Variants in YJU2 observed in about 807,000 individuals in gnomAD.
The protein encoded by YJU2 is YJU2 splicing factor homolog.
Under a neutral mutation model 39.6 loss-of-function variants are expected in YJU2, and 28 were observed. The observed-to-expected ratio is 0.71, with a 90% confidence interval of 0.52 to 0.97. The LOEUF (loss-of-function observed/expected upper bound fraction) is 0.97, where lower values mean the gene tolerates loss of function less well. Among genes scored for constraint, YJU2 ranks in the 50% least tolerant of loss-of-function variants. The probability of loss-of-function intolerance (pLI) is 0.00; values close to 1 mark genes in which losing one functional copy is unlikely to be tolerated. For missense variants in YJU2, 328 were observed against 430.4 expected (o/e 0.76, Z 2.11); for synonymous variants, 184 against 182.4 (o/e 1.01, Z -0.07).
intron 3 of YJU2, 75 bp downstream of exon 3, chr19:4,251,246 T>C: frequency 7.1e-7 from 1 of 1,403,448 alleles, no homozygotes; most frequent in Non-Finnish European, 1.0e-6. Flanking sequence ...TGGGGTTCCT[T>C]AACTCCAATC....
intron 1 of YJU2, chr19:4,248,058 G>A (rs1358653756): frequency 1.3e-5 from 2 of 152,036 alleles, no homozygotes; most frequent in Non-Finnish European, 2.9e-5. Flanking sequence ...TAGTAGAGAT[G>A]AGATTTCACC....
At chr19:4,255,727 C>CA (rs58736061) in intron 4 of YJU2, among the ~76,000 whole-genome samples, 1,343 of 103,588 alleles carry the variant, frequency 0.013, 20 homozygotes, top group African/African-American at 0.029. Context: ...GATTCTGTGT[C>CA]AAAAAAAAAA....
chr19:4,247,152 G>C lies in YJU2; in HGVS notation c.6G>C (p.Ser2=). Residue 2 remains serine (S), a synonymous_variant, in exon 1 of 8, where the codon TCG becomes TCC. Coordinates refer to ENST00000262962, the MANE Select transcript of YJU2 (RefSeq NM_018074.6). ...GAGGTGATCAGAAGGCAAAGATGTC[G>C]GAGCGAAAAGTATTAAACGTAAGTG... is the stretch of plus-strand genomic sequence containing the variant. M[S]ERKVLNKYYP... 6.2e-7 allele frequency: 1 copy of C among 1,613,954 alleles called. No homozygotes were observed. Among genetic ancestry groups the C allele is most frequent in the Non-Finnish European group, 8.5e-7 (1 of 1,179,842 alleles).
At chr19:4,255,732 A>C (rs1971014608) in intron 4 of YJU2, among the ~76,000 whole-genome samples, 1 of 58,092 alleles carries the variant, frequency 1.7e-5, no homozygotes, top group Non-Finnish European at 3.0e-5. Flanking sequence ...TGTGTCAAAA[A>C]AAAAAAAAAA....
At chr19:4,249,357 C>CG in intron 2 of YJU2, 29 bp downstream of exon 2, 1 of 1,455,958 alleles carries the variant, frequency 6.9e-7, no homozygotes, top group South Asian at 1.2e-5. Context: ...ACCCCACACA[C>CG]CAGTCATGGC....
intron 4 of YJU2, among the ~76,000 whole-genome samples, chr19:4,255,564 C>T (rs1971012817): frequency 6.6e-6 from 1 of 151,690 alleles, no homozygotes; most frequent in Non-Finnish European, 1.5e-5. Context: ...CCCGTCTCTA[C>T]TAAAAATACA....
At chr19:4,266,834 A>T (rs548333756) in intron 6 of YJU2, among the ~76,000 whole-genome samples, 1 of 152,220 alleles carries the variant, frequency 6.6e-6, no homozygotes, top group South Asian at 2.1e-4. Flanking sequence ...TAAAAATGTT[A>T]GCCTGCCATG....
intron 6 of YJU2, among the ~76,000 whole-genome samples, chr19:4,263,981 G>T (rs1004579356): frequency 6.6e-6 from 1 of 151,332 alleles, no homozygotes; most frequent in Non-Finnish European, 1.5e-5. Context: ...GATTGTTCTC[G>T]GCCGGGCGCG....
intron 6 of YJU2, among the ~76,000 whole-genome samples, chr19:4,262,897 C>A (rs1326598377): frequency 6.6e-6 from 1 of 151,674 alleles, no homozygotes; most frequent in Non-Finnish European, 1.5e-5. Flanking sequence ...AAGAGTGAGA[C>A]CCTGTCTAAA....
chr19:4,263,357 A>AG (rs1390162169), intron 6 of YJU2, among the ~76,000 whole-genome samples: 1 of 152,118 alleles, frequency 6.6e-6, no homozygotes, highest in Non-Finnish European at 1.5e-5. Context: ...GTGGGAAGGC[A>AG]AAAAGTGTGT....
At chr19:4,264,087 C>A (rs1971095050) in intron 6 of YJU2, among the ~76,000 whole-genome samples, 1 of 151,258 alleles carries the variant, frequency 6.6e-6, no homozygotes, top group Non-Finnish European at 1.5e-5. Flanking sequence ...ACGGTGAAAC[C>A]CCATCTCTGC....
chr19:4,256,181 A>AATATATATAT (rs1555725229), intron 4 of YJU2, among the ~76,000 whole-genome samples: 2 of 125,898 alleles, frequency 1.6e-5, no homozygotes, highest in African/African-American at 3.1e-5. Context: ...AAAAAAAAAA[A>AATATATATAT]ATATATATAT....
In YJU2 at chr19:4,251,183, G is replaced by A. The variant is rs180793895; in HGVS notation, c.270+12G>A. On this transcript the variant is annotated intron_variant, in intron 3 of 7. Coordinates refer to ENST00000262962, the MANE Select transcript of YJU2 (RefSeq NM_018074.6). ...AGATCACCTTCAAGGTAGGTGAGAC[G>A]GCCGGCCAGGCCGGTCCCTCTCCCC... is the stretch of plus-strand genomic sequence containing the variant. 6.2e-6 allele frequency: 10 copies of A among 1,610,392 alleles called. No individual in the cohort carries two copies. The highest frequency in any genetic ancestry group is 3.3e-5 in the South Asian group (3 of 91,006).
At chr19:4,251,879 T>G (rs1970979770) in intron 3 of YJU2, among the ~76,000 whole-genome samples, 1 of 151,494 alleles carries the variant, frequency 6.6e-6, no homozygotes, top group African/African-American at 2.4e-5. Context: ...CTCAGGTACT[T>G]GGGAGACCAA....
chr19:4,260,600 G>C (rs1423251477), intron 5 of YJU2, among the ~76,000 whole-genome samples: 1 of 152,136 alleles, frequency 6.6e-6, no homozygotes, highest in Non-Finnish European at 1.5e-5. Flanking sequence ...AGCTGGACAT[G>C]GTGGTATGTG....
At chr19:4,256,640 T>C (rs979916510) in intron 4 of YJU2, among the ~76,000 whole-genome samples, 4 of 152,202 alleles carry the variant, frequency 2.6e-5, no homozygotes, top group African/African-American at 9.6e-5. Flanking sequence ...GCAGCTGAGC[T>C]GGATGGTTGT....
At chr19:4,258,452 C>G (rs753474227) in intron 5 of YJU2, 29 bp downstream of exon 5, 42 of 1,554,744 alleles carry the variant, frequency 2.7e-5, no homozygotes, top group Non-Finnish European at 3.3e-5. Context: ...AACCCAGCCC[C>G]ACCTCGCAGC....
At chr19:4,263,093 C>A (rs1465591941) in intron 6 of YJU2, among the ~76,000 whole-genome samples, 3 of 130,082 alleles carry the variant, frequency 2.3e-5, no homozygotes, top group Non-Finnish European at 3.2e-5. Context: ...AAAAAAAAAA[C>A]TTAATTTACT....
chr19:4,266,078 C>A (rs997550847), intron 6 of YJU2, among the ~76,000 whole-genome samples: 3 of 149,962 alleles, frequency 2.0e-5, no homozygotes, highest in South Asian at 2.1e-4. Flanking sequence ...CTCAGTCTCC[C>A]GAGTAGCTGG....
Sources: gnomAD v4.1 joint callset for allele counts (sites outside exome capture counted in the v4.1 genomes callset) on GRCh38, gnomAD v4.1.1 for gene constraint, MANE v1.5 for transcripts, NCBI Gene and HGNC (gene_info 2026-07-23, HGNC 2026-07-21) for gene names.